Variants in USO1 observed in about 807,000 individuals in gnomAD.
USO1 encodes USO1 vesicle transport factor, also known as general vesicular transport factor p115.
In USO1, 57 loss-of-function variants were observed where a neutral mutation model predicts 124.5. That is an observed-to-expected ratio of 0.46 (90% confidence interval 0.37 to 0.57). The LOEUF is 0.57. Among genes scored for constraint, USO1 ranks in the 20% least tolerant of loss-of-function variants. USO1 has a pLI of 0.00. For missense variants in USO1, 900 were observed against 1,040.6 expected, an observed-to-expected ratio of 0.86 and a Z score of 1.86; for synonymous variants, 369 against 362.8, an observed-to-expected ratio of 1.02 and a Z score of -0.19.
chr4:75,724,661 G>C lies in USO1; in HGVS notation c.-159G>C. Reference sequence around the variant, plus strand: ...TTGGCCGCTGCTGGCGGCTGTTTCCGGGCTTAGAGGGCTGGAGTGGCCGCC... The same window carrying C: ...TTGGCCGCTGCTGGCGGCTGTTTCCCGGCTTAGAGGGCTGGAGTGGCCGCC... On this transcript the variant is annotated 5_prime_UTR_variant, in exon 1 of 24. Transcript: ENST00000514213. 1.5e-6 allele frequency: 1 copy of C among 656,122 alleles called. No homozygotes were observed. The highest frequency in any genetic ancestry group is 2.6e-6 in the Non-Finnish European group (1 of 389,764). The allele number at this position is 656,122 out of a possible 1,614,324, so 40.6% of individuals were successfully genotyped here. A position where few individuals can be genotyped will look rare whatever the true frequency, so the allele number is the denominator to read the frequency against.
chr4:75,757,549 T>G lies in USO1; in HGVS notation c.271T>G (p.Ser91Ala). ...YALDTLYNII[S>A]NEEEEEVEEN... is the part of the protein sequence containing the mutation. ...TTTGGACACACTATATAATATAATA[T>G]CTAATGAAGAAGAAGAAGAAGTAGG... is the stretch of plus-strand genomic sequence containing the variant. The change falls in exon 4 of 24, where the codon TCT (serine) becomes GCT (alanine). Residue 91 changes from serine (S) to alanine (A), a missense_variant. Transcript: ENST00000514213. The G allele has an allele frequency of 6.7e-7, 1 of 1,493,164 alleles. No individual in the cohort carries two copies. The highest frequency in any genetic ancestry group is 8.9e-7 in the Non-Finnish European group (1 of 1,121,022). 92.5% of individuals were successfully genotyped at this position (1,493,164 alleles called of 1,614,324 possible).
In USO1 at chr4:75,812,281, C is replaced by G. The variant is rs1000892527; in HGVS notation, c.2705C>G (p.Ser902Cys). The stretch of plus-strand genomic sequence containing the variant: ...AAACTAGAGTTGGAAATTACAGATT[C>G]TAAAAAAGAACAAGATGATCTCTTG... ...KDKLELEITDSKKEQDDLLVL... is the reference protein window; with the variant it reads ...KDKLELEITDCKKEQDDLLVL... The change falls in exon 23 of 24, where the codon TCT becomes TGT. Residue 902 changes from serine (S) to cysteine (C), a missense_variant. Physicochemically the swap from Ser to Cys is moderately radical, Grantham distance 112. Around this residue, in one of 2 missense-constraint regions of USO1, gnomAD observed 362 missense variants for 359.0 expected, o/e 1.01. Coordinates refer to ENST00000514213, the MANE Select transcript of USO1 (RefSeq NM_003715.4). 1 of 1,607,688 alleles carries G rather than the reference C, an allele frequency of 6.2e-7. No individual in the cohort carries two copies. The highest frequency in any genetic ancestry group is 1.1e-5 in the South Asian group (1 of 89,510).
chr4:75,738,994 AG>A (rs1424530051), intron 1 of USO1, among the ~76,000 whole-genome samples: 4 of 151,846 alleles, frequency 2.6e-5, no homozygotes, highest in Non-Finnish European at 4.4e-5. Flanking sequence ...CTGGGATTAC[AG>A]GTGCCCGCCA....
At chr4:75,793,411 C>T (rs976684370) in intron 12 of USO1, among the ~76,000 whole-genome samples, 4 of 151,908 alleles carry the variant, frequency 2.6e-5, no homozygotes, top group Admixed American at 6.6e-5. Flanking sequence ...TTCCAAAGTG[C>T]GAGAATTACA....
At chr4:75,793,238 G>A (rs1405824669) in intron 12 of USO1, among the ~76,000 whole-genome samples, 28 of 115,770 alleles carry the variant, frequency 2.4e-4, no homozygotes, top group African/African-American at 9.1e-4. Context: ...TGAAGATAAG[G>A]TATCACTCTT....
At chr4:75,775,912 C>T (rs544491666) in intron 8 of USO1, among the ~76,000 whole-genome samples, 1 of 152,012 alleles carries the variant, frequency 6.6e-6, no homozygotes, top group Non-Finnish European at 1.5e-5. Flanking sequence ...ATACTTGAGC[C>T]ACAAAAATAG....
chr4:75,791,517 G>C (rs324730), intron 12 of USO1, among the ~76,000 whole-genome samples: 98,437 of 151,978 alleles, frequency 0.65, 34,055 homozygotes, highest in East Asian at 0.91. Flanking sequence ...GAGAGAGACT[G>C]TGCCTCAAAA....
chr4:75,726,281 C>CAA (rs1182405273), intron 1 of USO1, among the ~76,000 whole-genome samples: 4,421 of 74,864 alleles, frequency 0.059, 372 homozygotes, highest in African/African-American at 0.18. Flanking sequence ...AACTCTGTCT[C>CAA]AAAAAAAAAA....
At chr4:75,757,729 G>A (rs1253348053) in intron 4 of USO1, among the ~76,000 whole-genome samples, 156 bp downstream of exon 4, 1 of 152,036 alleles carries the variant, frequency 6.6e-6, no homozygotes, top group Non-Finnish European at 1.5e-5. Context: ...CTTAGATCTA[G>A]AAAAGTGTCT....
intron 10 of USO1, 98 bp downstream of exon 10, chr4:75,787,300 C>T: frequency 3.0e-6 from 4 of 1,333,296 alleles, no homozygotes; most frequent in Non-Finnish European, 3.9e-6. Flanking sequence ...CAATAGTTAA[C>T]CATTTTTTAG....
chr4:75,762,650 C>G (rs924724175), intron 4 of USO1, among the ~76,000 whole-genome samples: 1 of 152,010 alleles, frequency 6.6e-6, no homozygotes, highest in African/African-American at 2.4e-5. Flanking sequence ...TGTACCTGGC[C>G]AGGTACGGTG....
At chr4:75,752,671 C>T in intron 3 of USO1, 67 bp downstream of exon 3, 3 of 397,670 alleles carry the variant, frequency 7.5e-6, no homozygotes, top group Non-Finnish European at 8.9e-6. Flanking sequence ...GTCAGCATCA[C>T]TATTCCAAAA....
intron 1 of USO1, among the ~76,000 whole-genome samples, chr4:75,734,220 A>G (rs1577923449): frequency 1.3e-5 from 2 of 152,324 alleles, no homozygotes; most frequent in African/African-American, 4.8e-5. Flanking sequence ...CTGGGATTAC[A>G]GGCGTAAGCC....
At chr4:75,778,477 G>A (rs1310849538) in intron 8 of USO1, among the ~76,000 whole-genome samples, 1 of 152,154 alleles carries the variant, frequency 6.6e-6, no homozygotes, top group Non-Finnish European at 1.5e-5. Context: ...CAGAGAGGAA[G>A]AAAACATATA....
intron 4 of USO1, among the ~76,000 whole-genome samples, chr4:75,767,974 C>T (rs1309515398): frequency 6.6e-6 from 1 of 152,104 alleles, no homozygotes; most frequent in East Asian, 1.9e-4. Flanking sequence ...AATACAAGAA[C>T]ACAGTATATC....
chr4:75,757,544 T>C lies in USO1; in HGVS notation c.266T>C (p.Ile89Thr). 6.7e-7 allele frequency: 1 copy of C among 1,496,452 alleles called. No homozygotes were observed. Among genetic ancestry groups the C allele is most frequent in the East Asian group, 2.6e-5 (1 of 38,978 alleles). The allele number at this position is 1,496,452 out of a possible 1,614,324, so 92.7% of individuals were successfully genotyped here. A position where few individuals can be genotyped will look rare whatever the true frequency, so the allele number is the denominator to read the frequency against. ...TATGCTTTGGACACACTATATAATA[T>C]AATATCTAATGAAGAAGAAGAAGAA... ...IGYALDTLYN[I>T]ISNEEEEEVE... The change falls in exon 4 of 24, where the codon ATA (isoleucine) becomes ACA (threonine). Residue 89 changes from isoleucine to threonine, a missense_variant. Transcript: ENST00000514213.
chr4:75,792,030 T>C (rs1482157276), intron 12 of USO1, among the ~76,000 whole-genome samples: 1 of 152,098 alleles, frequency 6.6e-6, no homozygotes, highest in Admixed American at 6.6e-5. Flanking sequence ...TTCTTTTTTT[T>C]TTTTTTTTAA....
At chr4:75,792,328 G>A (rs1722554546) in intron 12 of USO1, among the ~76,000 whole-genome samples, 2 of 152,182 alleles carry the variant, frequency 1.3e-5, no homozygotes, top group East Asian at 3.9e-4. Flanking sequence ...CCTGAAGGTA[G>A]GAGTTCAAGA....
At chr4:75,807,063 A>G (rs62318557) in intron 20 of USO1, among the ~76,000 whole-genome samples, 3,283 of 152,254 alleles carry the variant, frequency 0.022, 55 homozygotes, top group Non-Finnish European at 0.033. Flanking sequence ...GTGGTAATTT[A>G]TAACATCTAG....
Sources: gnomAD v4.1 joint callset for allele counts (sites outside exome capture counted in the v4.1 genomes callset) on GRCh38, gnomAD v4.1.1 for gene constraint, gnomAD v4.1.1 regional missense constraint, MANE v1.5 for transcripts, NCBI Gene and HGNC (gene_info 2026-07-23, HGNC 2026-07-21) for gene names.